BNC2: variants seen among roughly 807,000 people sequenced by gnomAD.
BNC2 encodes basonuclin zinc finger protein 2, also known as zinc finger protein basonuclin-2.
BNC2 carries 20 observed loss-of-function variants against 76.3 expected under a neutral mutation model. The observed-to-expected ratio is 0.26, with a 90% CI of 0.18 to 0.38. The LOEUF is 0.38. BNC2 is among the 10% of genes least tolerant of loss of function. The pLI is 1.00. For synonymous variants in BNC2, 582 were observed against 514.8 expected (o/e 1.13, Z -1.77); for missense variants, 1,382 against 1,399.8 (o/e 0.99, Z 0.20).
In BNC2 at chr9:16,626,787, A is replaced by T. The variant is rs1821006511; in HGVS notation, c.331-43702T>A. On this transcript the variant is annotated intron_variant, in intron 3 of 6. Transcript: ENST00000380672. ...GTCCCCTCTGGAAGGAAGCGAGAAC[A>T]GGGTATTGAAGTATGCAGTGCCATG... 2.6e-5 allele frequency among the ~76,000 whole-genome samples: 4 copies of T among 152,120 alleles called. No individual in the cohort carries two copies. The South Asian group carries it at 8.3e-4, about 32-fold the overall frequency.
At chr9:16,870,452 C>T (rs1255365274) in intron 1 of BNC2, among the ~76,000 whole-genome samples, 194 bp downstream of exon 1, 1 of 151,972 alleles carries the variant, frequency 6.6e-6, no homozygotes, top group African/African-American at 2.4e-5. Flanking sequence ...TAGGGGAGGC[C>T]ACTGGGAGCG....
At chr9:16,726,133 C>T (rs188735518) in intron 3 of BNC2, among the ~76,000 whole-genome samples, 1 of 152,154 alleles carries the variant, frequency 6.6e-6, no homozygotes, top group Non-Finnish European at 1.5e-5. Flanking sequence ...CGAGAGCCAC[C>T]CAGGCAGGGA....
chr9:16,580,334 C>A (rs1013894887), intron 4 of BNC2, among the ~76,000 whole-genome samples: 4 of 152,086 alleles, frequency 2.6e-5, no homozygotes, highest in Non-Finnish European at 4.4e-5. Context: ...ATACAGATAT[C>A]TCCCTGTTGT....
At chr9:16,710,989 C>T (rs1400148691) in intron 3 of BNC2, among the ~76,000 whole-genome samples, 3 of 152,126 alleles carry the variant, frequency 2.0e-5, no homozygotes, top group Admixed American at 6.5e-5. Context: ...AAACTGTTCG[C>T]GTGTCATGTG....
Position 16,789,275 on chromosome 9 carries a change from T to C in BNC2, c.4-50790A>G, listed in dbSNP as rs937005526. Among the ~76,000 whole-genome samples the C allele has an allele frequency of 1.4e-4, 21 of 152,014 alleles. 1 individual carries two copies. Among genetic ancestry groups the C allele is most frequent in the Admixed American group, 7.9e-4 (12 of 15,268 alleles). Reference sequence around the variant, plus strand: ...GGGGGATTTTAGGGAGTAATATAAATGTTCTTCGTCTTGATTGTCACGGTG... The same window carrying C: ...GGGGGATTTTAGGGAGTAATATAAACGTTCTTCGTCTTGATTGTCACGGTG... On this transcript the variant is annotated intron_variant, in intron 1 of 6. Transcript: ENST00000380672.
intron 1 of BNC2, among the ~76,000 whole-genome samples, chr9:16,758,563 T>C (rs1825460633): frequency 1.3e-5 from 2 of 152,152 alleles, no homozygotes; most frequent in African/African-American, 4.8e-5. Context: ...ACTCTTGACC[T>C]CATGATCTGT....
At chr9:16,509,183 A>G (rs1484005476) in intron 5 of BNC2, among the ~76,000 whole-genome samples, 1 of 152,128 alleles carries the variant, frequency 6.6e-6, no homozygotes, top group African/African-American at 2.4e-5. Context: ...AGCAACTTTG[A>G]TATCTAGGCA....
chr9:16,781,914 AG>A (rs1330345234), intron 1 of BNC2, among the ~76,000 whole-genome samples: 1 of 152,202 alleles, frequency 6.6e-6, no homozygotes, highest in Non-Finnish European at 1.5e-5. Context: ...AAAGATGGAA[AG>A]GAGAAAACTG....
chr9:16,618,358 T>C (rs1343910953), intron 3 of BNC2, among the ~76,000 whole-genome samples: 2 of 152,180 alleles, frequency 1.3e-5, no homozygotes, highest in Non-Finnish European at 2.9e-5. Context: ...GAGAAAGCTA[T>C]CCTGTGGACT....
At chr9:16,548,761 T>C (rs1377128808) in intron 5 of BNC2, among the ~76,000 whole-genome samples, 1 of 152,238 alleles carries the variant, frequency 6.6e-6, no homozygotes, top group African/African-American at 2.4e-5. Context: ...TTAGATTTTA[T>C]CATCTAATTG....
In BNC2 at chr9:16,725,227, A is replaced by T. The variant is rs772330441; in HGVS notation, c.330+2570T>A. On this transcript the variant is annotated intron_variant, in intron 3 of 6. Transcript: ENST00000380672. ...ATAAGTCTCTCTCTCTCACACACACACACACACACACACACACACACACGT... is the reference window on the plus strand; with the variant it reads ...ATAAGTCTCTCTCTCTCACACACACTCACACACACACACACACACACACGT... Among the ~76,000 whole-genome samples, 626 of 151,866 alleles carry T rather than the reference A, an allele frequency of 4.1e-3. 1 individual carries two copies. The highest frequency in any genetic ancestry group is 6.7e-3 in the Non-Finnish European group (455 of 67,890).
chr9:16,720,626 A>G (rs1824128441), intron 3 of BNC2, among the ~76,000 whole-genome samples: 1 of 152,228 alleles, frequency 6.6e-6, no homozygotes. Context: ...ACAGAGAGAA[A>G]TGAAAAACTG....
At chr9:16,814,393 G>A (rs1405896565) in intron 1 of BNC2, among the ~76,000 whole-genome samples, 2 of 152,094 alleles carry the variant, frequency 1.3e-5, no homozygotes, top group South Asian at 2.1e-4. Context: ...TTTCCTTCAG[G>A]TTGTGATCAG....
At chr9:16,614,958 TAAAAAAAAAAAAAAAAAAAAAAAAAA>T (rs60545823) in intron 3 of BNC2, among the ~76,000 whole-genome samples, 8 of 62,524 alleles carry the variant, frequency 1.3e-4, no homozygotes, top group Middle Eastern at 0.011. Context: ...TCTGTCTCTT[TAAAAAAAAAAAAAAAAAAAAAAAAAA>T]AAAAAAAAAA....
intron 5 of BNC2, among the ~76,000 whole-genome samples, chr9:16,440,169 G>A (rs922869744): frequency 6.6e-6 from 1 of 152,164 alleles, no homozygotes; most frequent in East Asian, 1.9e-4. Context: ...GAAATCAGGG[G>A]AGAAGAAAGC....
intron 3 of BNC2, among the ~76,000 whole-genome samples, chr9:16,686,075 A>C (rs1822969529): frequency 6.6e-6 from 1 of 152,156 alleles, no homozygotes; most frequent in Non-Finnish European, 1.5e-5. Context: ...AACAATGCCT[A>C]AGTTCCTTTA....
At chr9:16,732,532 G>A (rs1163072088) in intron 2 of BNC2, among the ~76,000 whole-genome samples, 1 of 152,092 alleles carries the variant, frequency 6.6e-6, no homozygotes, top group Non-Finnish European at 1.5e-5. Context: ...TGTAGTTTTT[G>A]TATACAATTT....
At position 16,621,284 on chromosome 9, in the gene BNC2, G is replaced by C. The variant is rs143002318; in HGVS notation, c.331-38199C>G. Among the ~76,000 whole-genome samples, 3 of 152,164 alleles carry C rather than the reference G, an allele frequency of 2.0e-5. No individual in the cohort carries two copies. In the East Asian group the frequency reaches 5.8e-4, roughly 29 times the overall value. On this transcript the variant is annotated intron_variant, in intron 3 of 6. Coordinates refer to ENST00000380672, the MANE Select transcript of BNC2 (RefSeq NM_017637.6). ...CAGCCTCAGTCCAGGGCAGCACCAG[G>C]GTATACTGCCTTCAACCTCCAAAAG... is the stretch of plus-strand genomic sequence containing the variant.
chr9:16,508,143 G>T (rs987763458), intron 5 of BNC2, among the ~76,000 whole-genome samples: 1 of 152,142 alleles, frequency 6.6e-6, no homozygotes, highest in African/African-American at 2.4e-5. Context: ...TGCAACAAAG[G>T]TCCGCATTGC....
Sources: gnomAD v4.1 joint callset for allele counts (sites outside exome capture counted in the v4.1 genomes callset) on GRCh38, gnomAD v4.1.1 for gene constraint, MANE v1.5 for transcripts, NCBI Gene and HGNC (gene_info 2026-07-23, HGNC 2026-07-21) for gene names.